GUCY1B1: variants seen among roughly 807,000 people sequenced by gnomAD.
GUCY1B1 encodes guanylate cyclase soluble subunit beta-1.
Under a neutral mutation model 71.0 loss-of-function variants are expected in GUCY1B1, and 43 were observed. The observed-to-expected ratio is 0.61, with a 90% CI of 0.47 to 0.78. The LOEUF (loss-of-function observed/expected upper bound fraction) is 0.78, where lower values mean the gene tolerates loss of function less well. Ranked by LOEUF, GUCY1B1 falls within the 30% of genes least tolerant of loss-of-function variation. The pLI is 0.00. For missense variants in GUCY1B1, 535 were observed against 754.1 expected, an observed-to-expected ratio of 0.71 and a Z score of 3.40; for synonymous variants, 266 against 259.7, an observed-to-expected ratio of 1.02 and a Z score of -0.23.
rs1042771696 is a variant in GUCY1B1, at chr4:155,759,345, T to C, written c.3+202T>C. On this transcript the variant is annotated intron_variant, in intron 1 of 13. Transcript: ENST00000264424. ...GTCGTGGCGGGGGCGATCGGTGCCT[T>C]TGCTTCCCAGGCGGGTTTGCCGCTC... The C allele has an allele frequency of 7.0e-6, 4 of 574,638 alleles. No homozygotes were observed. The Admixed American group carries it at 1.4e-4, about 20-fold the overall frequency. The allele number at this position is 574,638 out of a possible 1,614,324, so 35.6% of individuals were successfully genotyped here.
At chr4:155,779,336 G>A (rs1360096375) in intron 4 of GUCY1B1, among the ~76,000 whole-genome samples, 1 of 152,114 alleles carries the variant, frequency 6.6e-6, no homozygotes, top group African/African-American at 2.4e-5. Context: ...ACAACAAAGT[G>A]CAATGTGCTG....
At chr4:155,772,352 T>C (rs1387916287) in intron 2 of GUCY1B1, among the ~76,000 whole-genome samples, 15 of 152,344 alleles carry the variant, frequency 9.8e-5, no homozygotes, top group Admixed American at 9.8e-4. Context: ...CTCTTTACTG[T>C]TGTGAAAGGT....
intron 4 of GUCY1B1, among the ~76,000 whole-genome samples, chr4:155,779,452 TG>T (rs1738271903): frequency 6.6e-6 from 1 of 152,240 alleles, no homozygotes; most frequent in African/African-American, 2.4e-5. Flanking sequence ...GTTAATATTT[TG>T]GATATATTTG....
At chr4:155,763,902 T>C (rs999985011) in intron 2 of GUCY1B1, among the ~76,000 whole-genome samples, 9 of 152,180 alleles carry the variant, frequency 5.9e-5, no homozygotes, top group African/African-American at 2.2e-4. Context: ...TTTTTTTTTA[T>C]TTTACTCTAG....
At chr4:155,789,492 C>G (rs950611986) in intron 4 of GUCY1B1, among the ~76,000 whole-genome samples, 4 of 152,138 alleles carry the variant, frequency 2.6e-5, no homozygotes, top group African/African-American at 9.7e-5. Flanking sequence ...ACTAACTATT[C>G]ATAGCTGCAG....
chr4:155,765,674 G>A (rs996231357), intron 2 of GUCY1B1, among the ~76,000 whole-genome samples: 2 of 152,064 alleles, frequency 1.3e-5, no homozygotes, highest in African/African-American at 4.8e-5. Context: ...TAAATTTATT[G>A]AAATTCTTTG....
At chr4:155,775,881 C>T (rs1319118997) in intron 3 of GUCY1B1, among the ~76,000 whole-genome samples, 3 of 152,164 alleles carry the variant, frequency 2.0e-5, no homozygotes, top group African/African-American at 7.2e-5. Context: ...TCCCACAGTG[C>T]TTAATTTTTA....
At chr4:155,787,520 C>T (rs904918282) in intron 4 of GUCY1B1, among the ~76,000 whole-genome samples, 47 of 152,102 alleles carry the variant, frequency 3.1e-4, no homozygotes, top group African/African-American at 1.1e-3. Flanking sequence ...TTTTTAACTC[C>T]ATTCTTTCAG....
intron 4 of GUCY1B1, among the ~76,000 whole-genome samples, chr4:155,780,726 C>T (rs772303429): frequency 7.3e-6 from 1 of 137,756 alleles, no homozygotes; most frequent in African/African-American, 2.8e-5. Flanking sequence ...TAACCCATTT[C>T]GAGTGAGATC....
chr4:155,803,830 G>A (rs1046046123), intron 11 of GUCY1B1, 66 bp downstream of exon 11: 9 of 1,093,208 alleles, frequency 8.2e-6, no homozygotes, highest in Admixed American at 6.7e-5. Context: ...GATTCATATC[G>A]TTGTCCGGAA....
At chr4:155,794,229 T>C (rs1739386212) in intron 6 of GUCY1B1, 143 bp downstream of exon 6, 1 of 558,054 alleles carries the variant, frequency 1.8e-6, no homozygotes, top group Non-Finnish European at 3.2e-6. Flanking sequence ...AATTGTTTAA[T>C]TGTGAACTAA....
chr4:155,794,195 A>G (rs1739384907), intron 6 of GUCY1B1, 109 bp downstream of exon 6: 1 of 611,618 alleles, frequency 1.6e-6, no homozygotes, highest in East Asian at 2.7e-5. Flanking sequence ...ATTAGGTAAT[A>G]TGCAGTTTAT....
intron 2 of GUCY1B1, among the ~76,000 whole-genome samples, chr4:155,769,722 G>A (rs1366502724): frequency 6.6e-6 from 1 of 151,986 alleles, no homozygotes. Context: ...CATCTAAGAA[G>A]CATTGAAAAA....
In GUCY1B1 at chr4:155,767,656, AG is replaced by A. The variant is rs1253428144; in HGVS notation, c.78-7307del. On this transcript the variant is annotated intron_variant, in intron 2 of 13. Coordinates refer to ENST00000264424, the MANE Select transcript of GUCY1B1 (RefSeq NM_000857.5). ...AAAGGACTGACCTTTACTAACTAAA[AG>A]GGGGTTCAGGCAGGAAGTCGTTACT... is the stretch of plus-strand genomic sequence containing the variant. 3.9e-5 allele frequency among the ~76,000 whole-genome samples: 6 copies of A among 152,148 alleles called. No homozygotes were observed. In the South Asian group the frequency reaches 1.2e-3, roughly 32 times the overall value.
chr4:155,800,871 G>A (rs530571911), intron 9 of GUCY1B1, among the ~76,000 whole-genome samples: 5 of 152,092 alleles, frequency 3.3e-5, no homozygotes, highest in African/African-American at 9.6e-5. Flanking sequence ...TAGGACTAAC[G>A]TTCAAAGTCA....
At chr4:155,762,228 CT>C (rs1737044398) in intron 2 of GUCY1B1, among the ~76,000 whole-genome samples, 2 of 152,114 alleles carry the variant, frequency 1.3e-5, no homozygotes, top group Non-Finnish European at 2.9e-5. Context: ...ATTCTGGTTC[CT>C]CCTCCCCTCC....
chr4:155,778,088 A>C (rs1738181872), intron 4 of GUCY1B1, among the ~76,000 whole-genome samples: 1 of 152,216 alleles, frequency 6.6e-6, no homozygotes, highest in South Asian at 2.1e-4. Context: ...CTCAATGTTT[A>C]GGAAAAAGTA....
intron 9 of GUCY1B1, among the ~76,000 whole-genome samples, chr4:155,801,490 T>C (rs1204556264): frequency 6.6e-6 from 1 of 152,210 alleles, no homozygotes; most frequent in Non-Finnish European, 1.5e-5. Flanking sequence ...GTTTAAAAGT[T>C]GAAAATGAAA....
At position 155,799,923 on chromosome 4, in the gene GUCY1B1, G is replaced by C. The variant is rs1251205678; in HGVS notation, c.1024G>C (p.Asp342His). The C allele has an allele frequency of 1.2e-6, 2 of 1,612,822 alleles. No individual in the cohort carries two copies. The highest frequency in any genetic ancestry group is 1.7e-6 in the Non-Finnish European group (2 of 1,179,062). ...GACAAGGAGAGGGCTGTATCTAAGT[G>C]ACATCCCTCTGCATGATGCCACGCG... ...DLTRRGLYLS[D>H]IPLHDATRDL... The change falls in exon 9 of 14, where the codon GAC (aspartate) becomes CAC (histidine). Residue 342 changes from aspartate to histidine, a missense_variant. Physicochemically the swap from Asp to His is moderately conservative, Grantham distance 81 (BLOSUM62 -1). Transcript: ENST00000264424.
Sources: gnomAD v4.1 joint callset for allele counts (sites outside exome capture counted in the v4.1 genomes callset) on GRCh38, gnomAD v4.1.1 for gene constraint, MANE v1.5 for transcripts, NCBI Gene and HGNC (gene_info 2026-07-23, HGNC 2026-07-21) for gene names.